ELAVL1: variants seen among roughly 807,000 people sequenced by gnomAD.
ELAVL1 encodes the protein ELAV-like protein 1.
A neutral mutation model predicts 28.4 loss-of-function variants in ELAVL1; 1 was observed. The ratio of observed to expected loss-of-function variants is 0.04; its 90% CI spans 0.01 to 0.17. The LOEUF (loss-of-function observed/expected upper bound fraction) is 0.17. ELAVL1 is among the 10% of genes least tolerant of loss of function. The pLI is 1.00. For missense variants in ELAVL1, 157 were observed against 447.2 expected (o/e 0.35, Z 5.85); for synonymous variants, 174 against 183.5 (o/e 0.95, Z 0.42).
intron 3 of ELAVL1, among the ~76,000 whole-genome samples, chr19:7,980,447 G>A (rs1985428178): frequency 6.6e-6 from 1 of 152,204 alleles, no homozygotes; most frequent in African/African-American, 2.4e-5. Flanking sequence ...CAGTGCACGA[G>A]AGCGCGGGTC....
At chr19:8,005,320 C>G (rs890986101) in intron 1 of ELAVL1, among the ~76,000 whole-genome samples, 175 bp downstream of exon 1, 1 of 149,974 alleles carries the variant, frequency 6.7e-6, no homozygotes, top group African/African-American at 2.4e-5. Context: ...GGCGCCCACA[C>G]CGGCCCGCCC....
At chr19:7,972,225 C>G (rs1037803873) in intron 4 of ELAVL1, among the ~76,000 whole-genome samples, 6 of 152,366 alleles carry the variant, frequency 3.9e-5, no homozygotes, top group African/African-American at 1.2e-4. Flanking sequence ...CCTAAATCCC[C>G]TCAGGGTGGC....
intron 2 of ELAVL1, among the ~76,000 whole-genome samples, chr19:7,990,485 C>T (rs918953671): frequency 7.3e-5 from 11 of 151,262 alleles, no homozygotes; most frequent in Non-Finnish European, 1.6e-4. Flanking sequence ...CCTGCCTCAG[C>T]GCCCCCAAAT....
At chr19:7,991,549 G>T in intron 2 of ELAVL1, 95 bp downstream of exon 2, 1 of 1,274,256 alleles carries the variant, frequency 7.8e-7, no homozygotes, top group Non-Finnish European at 1.1e-6. Flanking sequence ...TAGTTATCCT[G>T]CACTGAGGAA....
chr19:7,960,821 C>G lies in ELAVL1; in HGVS notation c.*2662G>C. 1 of 152,270 alleles carries G rather than the reference C, an allele frequency of 6.6e-6. No homozygotes were observed. Among genetic ancestry groups the G allele is most frequent in the Non-Finnish European group, 1.5e-5 (1 of 68,030 alleles). The allele number at this position is 152,270 out of a possible 1,614,324, so 9.4% of individuals were successfully genotyped here. ...AAGAAATGGTTTCTTTTGGGTTGAG[C>G]CTTTTTTAAGAAAAGGGATCTCCCC... On this transcript the variant is annotated 3_prime_UTR_variant, in exon 6 of 6. Coordinates refer to ENST00000407627, the MANE Select transcript of ELAVL1 (RefSeq NM_001419.3).
chr19:7,980,208 A>G (rs1157251623), intron 3 of ELAVL1, among the ~76,000 whole-genome samples: 1 of 151,740 alleles, frequency 6.6e-6, no homozygotes, highest in Non-Finnish European at 1.5e-5. Flanking sequence ...GCGGGCACTG[A>G]GGGCGGGTGG....
chr19:7,970,858 G>A (rs1049664976), intron 4 of ELAVL1, among the ~76,000 whole-genome samples: 2 of 152,124 alleles, frequency 1.3e-5, no homozygotes, highest in South Asian at 2.1e-4. Context: ...CACCGCGCCC[G>A]GCCATCCTCA....
chr19:7,977,039 A>G (rs1985316545), intron 3 of ELAVL1, among the ~76,000 whole-genome samples: 1 of 152,126 alleles, frequency 6.6e-6, no homozygotes, highest in African/African-American at 2.4e-5. Context: ...TGTGAGGGCC[A>G]GACTTGTGTG....
At chr19:7,972,829 T>TTGG (rs1985157083) in intron 4 of ELAVL1, 2 of 122,672 alleles carry the variant, frequency 1.6e-5, no homozygotes, top group African/African-American at 3.0e-5. Context: ...TTTTTTTTTT[T>TTGG]GAGATGAAAT....
intron 2 of ELAVL1, among the ~76,000 whole-genome samples, chr19:7,985,243 C>T (rs1443393484): frequency 6.6e-6 from 1 of 152,214 alleles, no homozygotes; most frequent in African/African-American, 2.4e-5. Flanking sequence ...TTAAAGCTCC[C>T]TAGTGATTCC....
intron 2 of ELAVL1, among the ~76,000 whole-genome samples, chr19:7,988,299 C>G (rs1855659411): frequency 1.3e-5 from 2 of 152,246 alleles, no homozygotes; most frequent in African/African-American, 4.8e-5. Context: ...GAGCTCAGGA[C>G]AGCCTTCTGG....
In ELAVL1 at chr19:7,962,229, C is replaced by G. The variant is rs1984831878; in HGVS notation, c.*1254G>C. ...GAATGCTGGGCCACCTGCACCTTCC[C>G]TAGCCAAAAAGAAAGAAAAGGTAAA... is the stretch of plus-strand genomic sequence containing the variant. On this transcript the variant is annotated 3_prime_UTR_variant, in exon 6 of 6. Transcript: ENST00000407627. The G allele has an allele frequency of 6.5e-6, 1 of 153,592 alleles. No homozygotes were observed. Among genetic ancestry groups the G allele is most frequent in the Non-Finnish European group, 1.5e-5 (1 of 68,040 alleles). 9.5% of individuals were successfully genotyped at this position (153,592 alleles called of 1,614,324 possible). A position where few individuals can be genotyped will look rare whatever the true frequency, so the allele number is the denominator to read the frequency against.
chr19:7,969,333 C>T (rs951825833), intron 4 of ELAVL1, among the ~76,000 whole-genome samples: 2 of 152,204 alleles, frequency 1.3e-5, no homozygotes, highest in South Asian at 2.1e-4. Flanking sequence ...ACCTGTCCAG[C>T]GGGCACCCAA....
At position 7,969,313 on chromosome 19, in the gene ELAVL1, G is replaced by T. The variant is rs1027400158; in HGVS notation, c.431-1523C>A. Among the ~76,000 whole-genome samples, 9 of 152,194 alleles carry T rather than the reference G, an allele frequency of 5.9e-5. 1 individual carries two copies. Among genetic ancestry groups the T allele is most frequent in the Middle Eastern group, 3.2e-3 (1 of 316 alleles). On this transcript the variant is annotated intron_variant, in intron 4 of 5. Coordinates refer to ENST00000407627, the MANE Select transcript of ELAVL1 (RefSeq NM_001419.3). Reference sequence around the variant, plus strand: ...AACGACCAAAGCCAGGCAGCCCGGGGCCTTGGGTGACCTGTCCAGCGGGCA... The same window carrying T: ...AACGACCAAAGCCAGGCAGCCCGGGTCCTTGGGTGACCTGTCCAGCGGGCA...
chr19:7,995,756 A>G (rs2145226456), intron 1 of ELAVL1, among the ~76,000 whole-genome samples: 1 of 151,776 alleles, frequency 6.6e-6, no homozygotes, highest in South Asian at 2.1e-4. Context: ...AAGATTTCTC[A>G]GACACAACAC....
chr19:7,983,642 G>C (rs1985523941), intron 2 of ELAVL1, among the ~76,000 whole-genome samples: 1 of 152,138 alleles, frequency 6.6e-6, no homozygotes, highest in Non-Finnish European at 1.5e-5. Flanking sequence ...AACAAGCCTG[G>C]ACCACCTGCC....
intron 3 of ELAVL1, among the ~76,000 whole-genome samples, chr19:7,977,747 C>T (rs1458674581): frequency 6.6e-6 from 1 of 152,276 alleles, no homozygotes. Flanking sequence ...GAAGGCAAGG[C>T]ACGTCTGCGC....
At chr19:7,997,594 G>C (rs1201045664) in intron 1 of ELAVL1, among the ~76,000 whole-genome samples, 1 of 152,098 alleles carries the variant, frequency 6.6e-6, no homozygotes, top group African/African-American at 2.4e-5. Context: ...TTATCCGTTT[G>C]TCAAAACTCA....
At chr19:7,989,883 C>T (rs1328527140) in intron 2 of ELAVL1, among the ~76,000 whole-genome samples, 1 of 152,166 alleles carries the variant, frequency 6.6e-6, no homozygotes, top group Non-Finnish European at 1.5e-5. Flanking sequence ...GCCAGACAGG[C>T]TCTTTGGGAG....
Sources: allele counts gnomAD v4.1 joint callset (sites outside exome capture counted in the v4.1 genomes callset), GRCh38; gene constraint gnomAD v4.1.1; transcripts MANE v1.5; gene names NCBI Gene and HGNC (gene_info 2026-07-23, HGNC 2026-07-21).